ZBTB8A: variants seen among roughly 807,000 people sequenced by gnomAD.
The protein encoded by ZBTB8A is zinc finger and BTB domain-containing protein 8A.
In ZBTB8A, 19 loss-of-function variants were observed where a neutral mutation model predicts 37.8. That is an observed-to-expected ratio of 0.50 (90% CI 0.35 to 0.74). The LOEUF is 0.74. Among genes scored for constraint, ZBTB8A ranks in the 30% least tolerant of loss-of-function variants. The probability of loss-of-function intolerance (pLI) is 0.01; values close to 1 mark genes in which losing one functional copy is unlikely to be tolerated. For synonymous variants in ZBTB8A, 181 were observed against 185.2 expected (o/e 0.98, Z 0.19); for missense variants, 394 against 537.8 (o/e 0.73, Z 2.65).
intron 2 of ZBTB8A, among the ~76,000 whole-genome samples, chr1:32,582,610 T>C (rs1342433388): frequency 1.3e-5 from 2 of 151,634 alleles, no homozygotes; most frequent in Non-Finnish European, 2.9e-5. Context: ...GCCATTGCAC[T>C]CCAGCCTGGG....
chr1:32,597,431 GCTGGCTCTTGT>G (rs1305593375), intron 4 of ZBTB8A, among the ~76,000 whole-genome samples: 2 of 152,188 alleles, frequency 1.3e-5, no homozygotes, highest in Non-Finnish European at 1.5e-5. Context: ...CTACCTTGAT[GCTGGCTCTTGT>G]CTCCTTTTGT....
intron 4 of ZBTB8A, among the ~76,000 whole-genome samples, chr1:32,596,001 A>G (rs569061347): frequency 1.3e-5 from 2 of 151,990 alleles, no homozygotes; most frequent in Admixed American, 1.3e-4. Flanking sequence ...GGCCAGGCAC[A>G]GTGGCTCACA....
At chr1:32,569,386 CTTTTTTTTTTTTTT>C (rs563715372) in intron 2 of ZBTB8A, among the ~76,000 whole-genome samples, 2 of 82,278 alleles carry the variant, frequency 2.4e-5, no homozygotes, top group Non-Finnish European at 4.5e-5. Context: ...TTTTCCTTTC[CTTTTTTTTTTTTTT>C]TTTTTTTTTT....
At chr1:32,542,343 CG>C (rs1408244888) in intron 1 of ZBTB8A, among the ~76,000 whole-genome samples, 3 of 93,912 alleles carry the variant, frequency 3.2e-5, no homozygotes, top group Non-Finnish European at 6.6e-5. Context: ...GTCGGGGGGG[CG>C]GGGTGTGGAT....
chr1:32,554,783 C>CT (rs534401194), intron 2 of ZBTB8A, among the ~76,000 whole-genome samples: 131 of 151,982 alleles, frequency 8.6e-4, no homozygotes, highest in African/African-American at 3.0e-3. Context: ...CCGGCTTTAT[C>CT]TTTTTTTTAA....
At chr1:32,550,694 C>G (rs1644145790) in intron 1 of ZBTB8A, among the ~76,000 whole-genome samples, 1 of 152,088 alleles carries the variant, frequency 6.6e-6, no homozygotes, top group African/African-American at 2.4e-5. Flanking sequence ...CGTGTTGGGT[C>G]ACGCCTGTAA....
intron 2 of ZBTB8A, among the ~76,000 whole-genome samples, chr1:32,553,864 C>T (rs1276589357): frequency 6.5e-5 from 8 of 122,640 alleles, no homozygotes; most frequent in Admixed American, 3.0e-4. Flanking sequence ...CCAGCCTGGG[C>T]AACAAGAGCG....
chr1:32,592,088 G>T (rs1268360502), intron 2 of ZBTB8A, among the ~76,000 whole-genome samples: 1 of 152,032 alleles, frequency 6.6e-6, no homozygotes, highest in Admixed American at 6.6e-5. Flanking sequence ...TGATCTGCCC[G>T]CCTTGGCCTC....
chr1:32,599,447 G>A (rs912143318), intron 4 of ZBTB8A, among the ~76,000 whole-genome samples: 3 of 151,862 alleles, frequency 2.0e-5, no homozygotes, highest in Non-Finnish European at 2.9e-5. Flanking sequence ...TGCTGGGCGC[G>A]GTGCCTCACA....
intron 2 of ZBTB8A, among the ~76,000 whole-genome samples, chr1:32,590,594 A>G (rs1470742180): frequency 6.6e-6 from 1 of 152,150 alleles, no homozygotes; most frequent in Non-Finnish European, 1.5e-5. Flanking sequence ...TCTTTCTTGC[A>G]AGTCCAGCCA....
At chr1:32,547,569 A>C (rs1044629588) in intron 1 of ZBTB8A, among the ~76,000 whole-genome samples, 1 of 147,986 alleles carries the variant, frequency 6.8e-6, no homozygotes, top group Non-Finnish European at 1.5e-5. Context: ...TTTAGGTTAT[A>C]GATCTCATTC....
chr1:32,600,226 C>A lies in ZBTB8A; in HGVS notation c.1133C>A (p.Pro378His). 4 of 1,614,068 alleles carry A rather than the reference C, an allele frequency of 2.5e-6. No homozygotes were observed. The highest frequency in any genetic ancestry group is 3.4e-6 in the Non-Finnish European group (4 of 1,180,000). The stretch of plus-strand genomic sequence containing the variant: ...GCAGAATTTGGCATAGACAGCCTCC[C>A]CATTGACTTGGAAGCTGAACAACAT... ...CLAEFGIDSL[P>H]IDLEAEQHLM... The change falls in exon 5 of 5, where the codon CCC becomes CAC. Residue 378 changes from proline (P) to histidine (H), a missense_variant. Pro to His is a moderately conservative substitution (Grantham distance 77). Transcript: ENST00000373510.
intron 2 of ZBTB8A, among the ~76,000 whole-genome samples, chr1:32,560,510 C>T (rs764951933): frequency 6.6e-5 from 10 of 151,348 alleles, no homozygotes; most frequent in Non-Finnish European, 1.2e-4. Flanking sequence ...CCAGTTTCAG[C>T]GTTTTTTGTT....
At chr1:32,587,067 C>T (rs928028401) in intron 2 of ZBTB8A, among the ~76,000 whole-genome samples, 2 of 151,780 alleles carry the variant, frequency 1.3e-5, no homozygotes, top group African/African-American at 2.4e-5. Flanking sequence ...TGGCAAAATC[C>T]GTCTCTACTA....
At chr1:32,555,925 T>G (rs1177913577) in intron 2 of ZBTB8A, among the ~76,000 whole-genome samples, 1 of 151,998 alleles carries the variant, frequency 6.6e-6, no homozygotes, top group African/African-American at 2.4e-5. Flanking sequence ...TTAATTTTTT[T>G]TTTTTGAGAC....
intron 2 of ZBTB8A, among the ~76,000 whole-genome samples, chr1:32,578,227 G>A (rs1229678338): frequency 6.7e-6 from 1 of 149,102 alleles, no homozygotes; most frequent in Non-Finnish European, 1.5e-5. Context: ...ACCACTCCTG[G>A]CTAATTTTTT....
intron 1 of ZBTB8A, among the ~76,000 whole-genome samples, chr1:32,543,569 A>G (rs1453589618): frequency 2.6e-5 from 4 of 152,106 alleles, no homozygotes; most frequent in Non-Finnish European, 5.9e-5. Flanking sequence ...CTAGCTCCTG[A>G]TAACCCCTCA....
intron 2 of ZBTB8A, among the ~76,000 whole-genome samples, chr1:32,584,312 C>T (rs1197020055): frequency 6.6e-6 from 1 of 151,978 alleles, no homozygotes; most frequent in Non-Finnish European, 1.5e-5. Flanking sequence ...TTTAAGTTAC[C>T]TAGTTTGTGG....
intron 2 of ZBTB8A, among the ~76,000 whole-genome samples, chr1:32,560,764 A>G (rs1188977344): frequency 6.6e-6 from 1 of 151,748 alleles, no homozygotes; most frequent in Non-Finnish European, 1.5e-5. Context: ...CTAAGATTAC[A>G]GTAGGTACAT....
Sources: allele counts gnomAD v4.1 joint callset (sites outside exome capture counted in the v4.1 genomes callset), GRCh38; gene constraint gnomAD v4.1.1; transcripts MANE v1.5; gene names NCBI Gene and HGNC (gene_info 2026-07-23, HGNC 2026-07-21).